The following CDK19 variants were observed in gnomAD, a reference collection of about 807,000 sequenced individuals.
CDK19 encodes cyclin-dependent kinase 19.
In CDK19, 20 loss-of-function variants were observed where a neutral mutation model predicts 68.3. That is an observed-to-expected ratio of 0.29 (90% CI 0.21 to 0.43). The LOEUF is 0.43. Among genes scored for constraint, CDK19 ranks in the 20% least tolerant of loss-of-function variants. The pLI is 1.00. For missense variants in CDK19, 339 were observed against 623.5 expected (o/e 0.54, Z 4.86); for synonymous variants, 221 against 222.8 (o/e 0.99, Z 0.07).
At chr6:110,780,922 T>C (rs1274368869) in intron 1 of CDK19, among the ~76,000 whole-genome samples, 1 of 152,166 alleles carries the variant, frequency 6.6e-6, no homozygotes, top group Non-Finnish European at 1.5e-5. Flanking sequence ...ATTTTAACTT[T>C]TCATTTTTTT....
chr6:110,784,088 G>A (rs1781020370), intron 1 of CDK19, among the ~76,000 whole-genome samples: 1 of 148,644 alleles, frequency 6.7e-6, no homozygotes, highest in African/African-American at 2.5e-5. Context: ...GAGCTGGGGA[G>A]GCAGAGGCTG....
intron 2 of CDK19, among the ~76,000 whole-genome samples, chr6:110,688,041 C>G (rs1349064951): frequency 6.6e-6 from 1 of 152,170 alleles, no homozygotes. Context: ...TCACATACTT[C>G]GATACACTTC....
chr6:110,636,858 T>C (rs988820750), intron 5 of CDK19, among the ~76,000 whole-genome samples: 1 of 152,244 alleles, frequency 6.6e-6, no homozygotes, highest in Admixed American at 6.5e-5. Flanking sequence ...AGCAATATTG[T>C]ACTATGAGGT....
Position 110,777,818 on chromosome 6 carries a change from G to C in CDK19, c.129-31617C>G, listed in dbSNP as rs1583077629. 2.0e-5 allele frequency among the ~76,000 whole-genome samples: 3 copies of C among 152,172 alleles called. No homozygotes were observed. In the East Asian group the frequency reaches 5.8e-4, roughly 29 times the overall value. On this transcript the variant is annotated intron_variant, in intron 1 of 12. Coordinates refer to ENST00000368911, the MANE Select transcript of CDK19 (RefSeq NM_015076.5). ...AACAGAATATTAGCCATAAAAAGGA[G>C]GGAAATTCTGACACATGCTACAACA...
At chr6:110,805,428 T>G (rs577724947) in intron 1 of CDK19, among the ~76,000 whole-genome samples, 5 of 152,180 alleles carry the variant, frequency 3.3e-5, no homozygotes, top group Non-Finnish European at 7.3e-5. Context: ...AATATATTGC[T>G]TTAAAATCTT....
chr6:110,665,937 T>C (rs2114402295), intron 4 of CDK19, among the ~76,000 whole-genome samples: 1 of 151,660 alleles, frequency 6.6e-6, no homozygotes, highest in East Asian at 2.0e-4. Flanking sequence ...GAGATGGGGT[T>C]TTGCTATGTT....
intron 1 of CDK19, among the ~76,000 whole-genome samples, chr6:110,774,397 C>A (rs2115006151): frequency 6.6e-6 from 1 of 152,286 alleles, no homozygotes; most frequent in East Asian, 1.9e-4. Flanking sequence ...AATCTAATAA[C>A]TAAAATGGCT....
At chr6:110,800,028 T>C (rs528983088) in intron 1 of CDK19, among the ~76,000 whole-genome samples, 147 of 152,318 alleles carry the variant, frequency 9.7e-4, no homozygotes, top group African/African-American at 3.3e-3. Flanking sequence ...TACTCAGCAG[T>C]AAATAAATTT....
rs181307283 is a variant in CDK19, at chr6:110,655,428, C to T, written c.456+12006G>A. 3.4e-3 allele frequency among the ~76,000 whole-genome samples: 524 copies of T among 151,898 alleles called. 3 individuals carry two copies. The highest frequency in any genetic ancestry group is 0.012 in the African/African-American group (500 of 41,444). ...ATGCTAATGGCACCAAAATCTATAC[C>T]TCTAGGTCTCTAACTTTCCATATAT... On this transcript the variant is annotated intron_variant, in intron 4 of 12. Transcript: ENST00000368911.
At chr6:110,620,185 G>C (rs1778616242) in intron 12 of CDK19, among the ~76,000 whole-genome samples, 1 of 152,054 alleles carries the variant, frequency 6.6e-6, no homozygotes, top group Non-Finnish European at 1.5e-5. Context: ...AAACACATTA[G>C]TTTGTTGAGC....
chr6:110,730,507 A>G (rs1435585928), intron 2 of CDK19, among the ~76,000 whole-genome samples: 1 of 152,242 alleles, frequency 6.6e-6, no homozygotes, highest in Non-Finnish European at 1.5e-5. Flanking sequence ...ATAAGCCCAT[A>G]AACTGTCCCA....
At chr6:110,806,534 GCTT>G (rs1782695696) in intron 1 of CDK19, among the ~76,000 whole-genome samples, 1 of 152,118 alleles carries the variant, frequency 6.6e-6, no homozygotes, top group Non-Finnish European at 1.5e-5. Context: ...AAAATGCTGT[GCTT>G]ACTAGGATAT....
At chr6:110,660,612 A>C (rs1296099420) in intron 4 of CDK19, among the ~76,000 whole-genome samples, 2 of 146,036 alleles carry the variant, frequency 1.4e-5, no homozygotes, top group Non-Finnish European at 3.0e-5. Flanking sequence ...AGGGGAGCTG[A>C]AAAGGGGATG....
chr6:110,622,836 T>G lies in CDK19; in HGVS notation c.1010A>C (p.Glu337Ala). Residue 337 changes from glutamate (E) to alanine (A), a missense_variant, in exon 10 of 13, where the codon GAG becomes GCG. Glu to Ala is a moderately radical substitution (Grantham distance 107). Transcript: ENST00000368911. Reference sequence around the variant, plus strand: ...ATACTCTAATGTTGGCAAAGGGTCCTCCTGAAAATAGGGATCCTGCAGAGC... The same window carrying G: ...ATACTCTAATGTTGGCAAAGGGTCCGCCTGAAAATAGGGATCCTGCAGAGC... Reference protein sequence around the residue: ...EQALQDPYFQEDPLPTLDVFA... With the variant: ...EQALQDPYFQADPLPTLDVFA... 2 of 1,610,930 alleles carry G rather than the reference T, an allele frequency of 1.2e-6. No individual in the cohort carries two copies. Among genetic ancestry groups the G allele is most frequent in the Middle Eastern group, 3.3e-4 (2 of 6,056 alleles).
intron 2 of CDK19, among the ~76,000 whole-genome samples, chr6:110,689,700 G>A (rs1008121884): frequency 2.0e-5 from 3 of 152,102 alleles, no homozygotes; most frequent in Non-Finnish European, 4.4e-5. Flanking sequence ...CGGAGTCTGC[G>A]TCACTCCCCG....
At chr6:110,763,522 TCTC>T (rs962190450) in intron 1 of CDK19, among the ~76,000 whole-genome samples, 1 of 151,472 alleles carries the variant, frequency 6.6e-6, no homozygotes, top group Non-Finnish European at 1.5e-5. Flanking sequence ...TTCAAGCAAT[TCTC>T]CTGCCTCAGC....
chr6:110,689,736 G>A (rs1202443352), intron 2 of CDK19, among the ~76,000 whole-genome samples: 1 of 152,182 alleles, frequency 6.6e-6, no homozygotes, highest in Non-Finnish European at 1.5e-5. Flanking sequence ...CTTGGTGCTG[G>A]TACCCACTGC....
chr6:110,754,484 AT>A (rs11362155), intron 1 of CDK19, among the ~76,000 whole-genome samples: 1,659 of 146,410 alleles, frequency 0.011, 23 homozygotes, highest in African/African-American at 0.038. Context: ...AGTTAAACTA[AT>A]TTTTTTTTTT....
At chr6:110,645,957 G>A in intron 4 of CDK19, 1 of 1,161,404 alleles carries the variant, frequency 8.6e-7, no homozygotes, top group Non-Finnish European at 1.2e-6. Flanking sequence ...CGACCGCGAG[G>A]GCTTCTACAA....
Sources: gnomAD v4.1 joint callset for allele counts (sites outside exome capture counted in the v4.1 genomes callset) on GRCh38, gnomAD v4.1.1 for gene constraint, MANE v1.5 for transcripts, NCBI Gene and HGNC (gene_info 2026-07-23, HGNC 2026-07-21) for gene names.